The following FAM149A variants were observed in gnomAD, a reference collection of about 807,000 sequenced individuals.
The protein encoded by FAM149A is family with sequence similarity 149 member A.
FAM149A carries 71 observed loss-of-function variants against 78.2 expected under a neutral mutation model. The observed-to-expected ratio is 0.91, with a 90% CI of 0.75 to 1.11. The LOEUF (loss-of-function observed/expected upper bound fraction) is 1.11, where lower values mean the gene tolerates loss of function less well. Among genes scored for constraint, FAM149A ranks in the 50% least tolerant of loss-of-function variants. The pLI is 0.00. For missense variants in FAM149A, 1,036 were observed against 971.0 expected, an observed-to-expected ratio of 1.07 and a Z score of -0.89; for synonymous variants, 446 against 410.5, an observed-to-expected ratio of 1.09 and a Z score of -1.04.
chr4:186,134,931 A>G (rs1698836254), intron 1 of FAM149A, among the ~76,000 whole-genome samples: 1 of 152,218 alleles, frequency 6.6e-6, no homozygotes, highest in South Asian at 2.1e-4. Flanking sequence ...CCTGGGCTCA[A>G]GCAGTTTTTT....
intron 1 of FAM149A, among the ~76,000 whole-genome samples, chr4:186,140,976 G>A (rs1441119491): frequency 6.6e-6 from 1 of 152,238 alleles, no homozygotes; most frequent in Non-Finnish European, 1.5e-5. Flanking sequence ...AGATCCAGGA[G>A]AGCCAGTGAA....
At position 186,163,419 on chromosome 4, in the gene FAM149A, C is replaced by T. The variant is rs1268993881; in HGVS notation, c.1680-5C>T. On this transcript the variant is annotated splice_polypyrimidine_tract_variant and splice_region_variant and intron_variant, in intron 9 of 13. Transcript: ENST00000389354. The stretch of plus-strand genomic sequence containing the variant: ...GCTGAGTAGCTCACAGGATTTCCTT[C>T]CCAGGAATGAGAAGGAGGACAAAGC... 4 of 1,612,248 alleles carry T rather than the reference C, an allele frequency of 2.5e-6. No individual in the cohort carries two copies. The highest frequency in any genetic ancestry group is 1.3e-5 in the African/African-American group (1 of 74,992).
intron 8 of FAM149A, chr4:186,157,937 T>C: frequency 6.5e-7 from 1 of 1,529,302 alleles, no homozygotes; most frequent in African/African-American, 1.4e-5. Flanking sequence ...AGGACGAGGA[T>C]GTGCTCAAGT....
rs70964917 is a variant in FAM149A, at chr4:186,136,976, TTC to T, written c.567-12155_567-12154del. Reference sequence around the variant, plus strand: ...TCTCTCTCTCTCTTTCTCTCTCTCTTTCTCTCTCTCTCTCTCTCTCTCTCTCT... The same window carrying T: ...TCTCTCTCTCTCTTTCTCTCTCTCTTTCTCTCTCTCTCTCTCTCTCTCTCT... On this transcript the variant is annotated intron_variant, in intron 1 of 13. Coordinates refer to ENST00000389354, the MANE Select transcript of FAM149A (RefSeq NM_001367768.3). Among the ~76,000 whole-genome samples, 672 of 72,022 alleles carry T rather than the reference TTC, an allele frequency of 9.3e-3. 5 individuals carry two copies. The highest frequency in any genetic ancestry group is 0.018 in the Admixed American group (107 of 6,020). The allele number at this position is 72,022 out of a possible 152,430, so 47.2% of individuals were successfully genotyped here.
chr4:186,133,205 A>T, intron 1 of FAM149A: 1 of 984,242 alleles, frequency 1.0e-6, no homozygotes, highest in Non-Finnish European at 1.2e-6. Flanking sequence ...ATAAATATGC[A>T]TGAGACAGAA....
chr4:186,165,656 A>G (rs1367577983), intron 11 of FAM149A, among the ~76,000 whole-genome samples, 192 bp downstream of exon 11: 1 of 152,248 alleles, frequency 6.6e-6, no homozygotes, highest in African/African-American at 2.4e-5. Flanking sequence ...GAGAGGCTTA[A>G]TTCACCGTTT....
At chr4:186,129,707 A>G (rs2099319750) in intron 1 of FAM149A, among the ~76,000 whole-genome samples, 1 of 152,236 alleles carries the variant, frequency 6.6e-6, no homozygotes, top group Admixed American at 6.5e-5. Context: ...AGTCTGCTAT[A>G]CCAAGCAAAT....
At chr4:186,117,525 A>C in intron 1 of FAM149A, 2 of 985,436 alleles carry the variant, frequency 2.0e-6, no homozygotes, top group Non-Finnish European at 2.4e-6. Context: ...AATGTCCAAA[A>C]GTGGGGCACA....
chr4:186,165,177 A>G (rs1352279281), intron 10 of FAM149A, among the ~76,000 whole-genome samples, 167 bp from the exon 11 acceptor site: 3 of 152,210 alleles, frequency 2.0e-5, no homozygotes, highest in Non-Finnish European at 2.9e-5. Flanking sequence ...TCAGAGTGCT[A>G]TAAGTTCCCT....
At chr4:186,123,455 G>A (rs1048843744) in intron 1 of FAM149A, 4 of 781,370 alleles carry the variant, frequency 5.1e-6, no homozygotes, top group Non-Finnish European at 6.2e-6. Flanking sequence ...GAAATGCAAG[G>A]CCCTTCATGG....
chr4:186,110,247 T>C (rs1364412586), intron 1 of FAM149A: 5 of 985,278 alleles, frequency 5.1e-6, no homozygotes, highest in African/African-American at 3.5e-5. Flanking sequence ...TTTAAATGTC[T>C]TTCTTGAAGA....
At chr4:186,147,982 G>C (rs756038528) in intron 1 of FAM149A, among the ~76,000 whole-genome samples, 5 of 152,176 alleles carry the variant, frequency 3.3e-5, no homozygotes, top group Admixed American at 6.5e-5. Context: ...CGTATCTATG[G>C]AAGGTAGATG....
chr4:186,160,337 CACAA>C (rs1412133922), intron 8 of FAM149A, among the ~76,000 whole-genome samples: 6 of 145,606 alleles, frequency 4.1e-5, no homozygotes, highest in Non-Finnish European at 9.0e-5. Flanking sequence ...ACACACCACA[CACAA>C]ACACACCACA....
At chr4:186,127,574 A>C in intron 1 of FAM149A, 6 of 985,468 alleles carry the variant, frequency 6.1e-6, no homozygotes, top group Non-Finnish European at 7.2e-6. Context: ...CCATGCGAGA[A>C]GCAGTTTCAT....
chr4:186,165,381 CA>C lies in FAM149A; in HGVS notation c.1930del (p.Thr644ArgfsTer9). On this transcript the variant is annotated frameshift_variant, in exon 11 of 14. Coordinates refer to ENST00000389354, the MANE Select transcript of FAM149A (RefSeq NM_001367768.3). LOFTEE classifies it high-confidence loss of function. Reference sequence around the variant, plus strand: ...GGACCACATGGCTTCCCCACTGGTTCAAACGTCACGGAGCAGGTTCCCCCCG... The same window carrying C: ...GGACCACATGGCTTCCCCACTGGTTCAACGTCACGGAGCAGGTTCCCCCCG... 2 of 1,614,212 alleles carry C rather than the reference CA, an allele frequency of 1.2e-6. No homozygotes were observed. Among genetic ancestry groups the C allele is most frequent in the Non-Finnish European group, 1.7e-6 (2 of 1,180,018 alleles).
At position 186,167,250 on chromosome 4, in the gene FAM149A, A is replaced by T; in HGVS notation, c.2206A>T (p.Ser736Cys). 1 of 1,613,266 alleles carries T rather than the reference A, an allele frequency of 6.2e-7. No individual in the cohort carries two copies. The highest frequency in any genetic ancestry group is 8.5e-7 in the Non-Finnish European group (1 of 1,179,154). Residue 736 changes from serine to cysteine, a missense_variant, in exon 13 of 14, where the codon AGT becomes TGT. Ser to Cys is a moderately radical substitution (Grantham distance 112). This residue lies in a region of FAM149A where 716 missense variants were observed against 711.8 expected (regional missense o/e 1.01). Coordinates refer to ENST00000389354, the MANE Select transcript of FAM149A (RefSeq NM_001367768.3). The stretch of plus-strand genomic sequence containing the variant: ...TGCTGCTCACACATGGACAGGTCAA[A>T]GTATTTTGACAGGTCAGCTTTTCTC...
At chr4:186,152,076 G>A (rs1313480767) in intron 4 of FAM149A, 31 bp downstream of exon 4, 2 of 1,611,552 alleles carry the variant, frequency 1.2e-6, no homozygotes, top group South Asian at 1.1e-5. Context: ...GTTCTCTGGG[G>A]TGGGTTTTCC....
chr4:186,130,289 CTCTCTATATA>C (rs2099320114), intron 1 of FAM149A: 1 of 36,906 alleles, frequency 2.7e-5, no homozygotes, highest in Non-Finnish European at 4.6e-5. Flanking sequence ...CTCTCTCTCT[CTCTCTATATA>C]TATATATATA....
chr4:186,172,304 C>A lies in FAM149A; in HGVS notation c.*317C>A. ...CATAATTAGCATGTGTATGTACTCA[C>A]ACACTAATTACATGTAAGAATATAT... On this transcript the variant is annotated 3_prime_UTR_variant, in exon 14 of 14. Transcript: ENST00000389354. 1 of 224,726 alleles carries A rather than the reference C, an allele frequency of 4.4e-6. No homozygotes were observed. The highest frequency in any genetic ancestry group is 8.7e-6 in the Non-Finnish European group (1 of 115,398). 13.9% of individuals were successfully genotyped at this position (224,726 alleles called of 1,614,324 possible).
Sources: allele counts gnomAD v4.1 joint callset (sites outside exome capture counted in the v4.1 genomes callset), GRCh38; gene constraint gnomAD v4.1.1; regional missense constraint gnomAD v4.1.1; transcripts MANE v1.5; gene names NCBI Gene and HGNC (gene_info 2026-07-23, HGNC 2026-07-21).